Variants in C2orf76 observed in about 807,000 individuals in gnomAD.
The protein encoded by C2orf76 is chromosome 2 open reading frame 76.
Under a neutral mutation model 16.9 loss-of-function variants are expected in C2orf76, and 23 were observed. The observed-to-expected ratio is 1.36, with a 90% CI of 0.98 to 1.93. The LOEUF (loss-of-function observed/expected upper bound fraction) is 1.93. Among genes scored for constraint, C2orf76 ranks in the 30% most tolerant of loss-of-function variants. C2orf76 has a pLI of 0.00. For synonymous variants in C2orf76, 48 were observed against 52.3 expected, an observed-to-expected ratio of 0.92 and a Z score of 0.35; for missense variants, 152 against 152.6, an observed-to-expected ratio of 1.00 and a Z score of 0.02.
At chr2:119,363,196 G>A (rs563920228) in intron 1 of C2orf76, among the ~76,000 whole-genome samples, 31 of 152,148 alleles carry the variant, frequency 2.0e-4, no homozygotes, top group African/African-American at 7.2e-4. Context: ...AGGCCGAGAC[G>A]GGCGGATCAC....
At chr2:119,315,114 GT>G (rs1679124309) in intron 4 of C2orf76, among the ~76,000 whole-genome samples, 1 of 152,058 alleles carries the variant, frequency 6.6e-6, no homozygotes, top group Non-Finnish European at 1.5e-5. Context: ...GGAAATTAAA[GT>G]TTTTATTTCA....
intron 4 of C2orf76, among the ~76,000 whole-genome samples, chr2:119,312,707 G>A (rs1287218266): frequency 6.6e-6 from 1 of 151,906 alleles, no homozygotes; most frequent in Non-Finnish European, 1.5e-5. Flanking sequence ...CAAATCCAGT[G>A]AGACTCATAA....
the C2orf76 span, among the ~76,000 whole-genome samples, chr2:119,283,590 C>A: frequency 2.8e-4 from 43 of 152,188 alleles, no homozygotes; most frequent in East Asian, 7.3e-3. Flanking sequence ...TTCTCCTGCC[C>A]CAGCCTCTGG....
rs1357270844 is a variant in C2orf76 at position 119,366,654 on chromosome 2, C to T, written c.-13+136G>A. ...GCAAGATTTAAGGAAAGAAAAGAAACATAAGGACCTCCGTTCTTCGGTCTC... is the reference window on the plus strand; with the variant it reads ...GCAAGATTTAAGGAAAGAAAAGAAATATAAGGACCTCCGTTCTTCGGTCTC... On this transcript the variant is annotated intron_variant, in intron 1 of 5. Coordinates refer to ENST00000334816, the MANE Select transcript of C2orf76 (RefSeq NM_001322331.2). 3.1e-5 allele frequency: 13 copies of T among 422,536 alleles called. No homozygotes were observed. In the East Asian group the frequency reaches 6.5e-4, roughly 21 times the overall value. The allele number at this position is 422,536 out of a possible 1,614,324, so 26.2% of individuals were successfully genotyped here.
At chr2:119,363,862 C>T (rs1050062936) in intron 1 of C2orf76, among the ~76,000 whole-genome samples, 4 of 151,944 alleles carry the variant, frequency 2.6e-5, no homozygotes, top group Non-Finnish European at 4.4e-5. Flanking sequence ...CCCATCTCTA[C>T]AAAAAATTAG....
chr2:119,357,341 A>T lies in C2orf76; in HGVS notation c.-13+9449T>A, dbSNP rs2104645106. Among the ~76,000 whole-genome samples, 8 of 152,328 alleles carry T rather than the reference A, an allele frequency of 5.3e-5. 1 individual carries two copies. The Middle Eastern group carries it at 0.02, about 389-fold the overall frequency. On this transcript the variant is annotated intron_variant, in intron 1 of 5. Transcript: ENST00000334816. Reference sequence around the variant, plus strand: ...ATTAGCAAATAGAATTTAGCAATACATAAAAATAATTATACACCCTGACCA... The same window carrying T: ...ATTAGCAAATAGAATTTAGCAATACTTAAAAATAATTATACACCCTGACCA...
At chr2:119,326,201 T>C (rs913806102) in intron 2 of C2orf76, among the ~76,000 whole-genome samples, 3 of 152,242 alleles carry the variant, frequency 2.0e-5, no homozygotes, top group East Asian at 1.9e-4. Context: ...AGATGTTTTA[T>C]AGTTTTACCT....
chr2:119,332,368 T>G (rs911915215), intron 2 of C2orf76, among the ~76,000 whole-genome samples: 12 of 152,140 alleles, frequency 7.9e-5, no homozygotes, highest in Admixed American at 3.9e-4. Context: ...TGCACCAACA[T>G]TCAAACCTGA....
intron 5 of C2orf76, among the ~76,000 whole-genome samples, chr2:119,308,664 A>C (rs552888762): frequency 6.6e-6 from 1 of 152,258 alleles, no homozygotes; most frequent in East Asian, 1.9e-4. Context: ...AAAACAAAAA[A>C]ACCCAAACAA....
intron 1 of C2orf76, among the ~76,000 whole-genome samples, chr2:119,347,045 G>A (rs1214186245): frequency 6.6e-6 from 1 of 152,204 alleles, no homozygotes; most frequent in African/African-American, 2.4e-5. Flanking sequence ...GAGTGTAGGT[G>A]ATGATCATAA....
intron 1 of C2orf76, among the ~76,000 whole-genome samples, chr2:119,364,257 T>G (rs1165107343): frequency 6.6e-6 from 1 of 152,106 alleles, no homozygotes; most frequent in Non-Finnish European, 1.5e-5. Flanking sequence ...AAAAGTGGTA[T>G]TCCCAGATGT....
Position 119,304,881 on chromosome 2 carries a change from T to C in C2orf76, c.305-2333A>G, listed in dbSNP as rs73948646. On this transcript the variant is annotated intron_variant, in intron 5 of 5. Transcript: ENST00000334816. Reference sequence around the variant, plus strand: ...ATGTGAAAACCAATTATAAATGATTTTTAAGGTTTCTACATCATCACTTTC... The same window carrying C: ...ATGTGAAAACCAATTATAAATGATTCTTAAGGTTTCTACATCATCACTTTC... Among the ~76,000 whole-genome samples, 1,262 of 152,324 alleles carry C rather than the reference T, an allele frequency of 8.3e-3. 17 individuals carry two copies. Among genetic ancestry groups the C allele is most frequent in the African/African-American group, 0.028 (1,163 of 41,556 alleles).
chr2:119,307,441 A>T (rs1678827657), intron 5 of C2orf76, among the ~76,000 whole-genome samples: 1 of 86,292 alleles, frequency 1.2e-5, no homozygotes, highest in Admixed American at 9.8e-5. Flanking sequence ...TCTGTCTTAA[A>T]AAAAAAAAAA....
chr2:119,366,346 C>A, intron 1 of C2orf76: 1 of 457,878 alleles, frequency 2.2e-6, no homozygotes, highest in South Asian at 1.6e-5. Context: ...CCGTCCCTGC[C>A]TTTAACGCAC....
intron 5 of C2orf76, among the ~76,000 whole-genome samples, chr2:119,306,900 T>G (rs1475359102): frequency 6.6e-6 from 1 of 152,022 alleles, no homozygotes; most frequent in Non-Finnish European, 1.5e-5. Context: ...TTCAAACACC[T>G]TTTTTTCCCC....
At chr2:119,304,989 A>G (rs1459226890) in intron 5 of C2orf76, among the ~76,000 whole-genome samples, 1 of 152,240 alleles carries the variant, frequency 6.6e-6, no homozygotes, top group Non-Finnish European at 1.5e-5. Flanking sequence ...ACCCTCAGGA[A>G]GTCTACCTTG....
chr2:119,302,635 G>T, intron 5 of C2orf76, 87 bp from the exon 6 acceptor site: 1 of 739,374 alleles, frequency 1.4e-6, no homozygotes. Context: ...CTTTGATTCG[G>T]TATTTCAGAA....
intron 5 of C2orf76, among the ~76,000 whole-genome samples, chr2:119,306,131 TCTATGTAAG>T (rs1394302731): frequency 6.6e-6 from 1 of 152,122 alleles, no homozygotes; most frequent in Non-Finnish European, 1.5e-5. Context: ...TATCACTGTT[TCTATGTAAG>T]AGTGAAGAAC....
At chr2:119,317,831 C>T (rs770492152) in intron 3 of C2orf76, among the ~76,000 whole-genome samples, 34 of 145,560 alleles carry the variant, frequency 2.3e-4, no homozygotes, top group Non-Finnish European at 4.6e-4. Context: ...GGAGTCAATA[C>T]AGAACAGGAT....
Sources: allele counts gnomAD v4.1 joint callset (sites outside exome capture counted in the v4.1 genomes callset), GRCh38; gene constraint gnomAD v4.1.1; transcripts MANE v1.5; gene names NCBI Gene and HGNC (gene_info 2026-07-23, HGNC 2026-07-21).